The following LINGO2 variants were observed in gnomAD, a reference collection of about 807,000 sequenced individuals.
LINGO2 encodes the protein leucine rich repeat and Ig domain containing 2.
A neutral mutation model predicts 30.6 loss-of-function variants in LINGO2; 14 were observed. The ratio of observed to expected loss-of-function variants is 0.46; its 90% CI spans 0.30 to 0.72. LINGO2 has a LOEUF of 0.72. Among genes scored for constraint, LINGO2 ranks in the 30% least tolerant of loss-of-function variants. The pLI, the probability that LINGO2 is intolerant of heterozygous loss-of-function variation, is 0.07. For missense variants in LINGO2, 729 were observed against 751.7 expected, an observed-to-expected ratio of 0.97 and a Z score of 0.35; for synonymous variants, 317 against 288.5, an observed-to-expected ratio of 1.10 and a Z score of -1.00.
At chr9:28,884,667 C>CATATAT in the LINGO2 span, among the ~76,000 whole-genome samples, 802 of 126,960 alleles carry the variant, frequency 6.3e-3, 10 homozygotes, top group African/African-American at 0.021. Flanking sequence ...ATGTATTTTC[C>CATATAT]ATATATATAT....
At chr9:29,144,117 A>G in the LINGO2 span, among the ~76,000 whole-genome samples, 3 of 152,030 alleles carry the variant, frequency 2.0e-5, no homozygotes, top group Non-Finnish European at 4.4e-5. Flanking sequence ...ACTCTGTTCC[A>G]TCGGTTTATG....
chr9:28,124,872 A>G lies in LINGO2; in HGVS notation c.-86-112467T>C, dbSNP rs181367713. Among the ~76,000 whole-genome samples, 32 of 152,364 alleles carry G rather than the reference A, an allele frequency of 2.1e-4. 1 individual carries two copies. In the East Asian group the frequency reaches 5.8e-3, roughly 28 times the overall value. On this transcript the variant is annotated intron_variant, in intron 4 of 5. Transcript: ENST00000379992. ...ATCAAGTAAATCTCTAGCGAACAAA[A>G]ATAAATACTACCAGTAATAATATAA...
At chr9:28,265,849 C>A (rs1235227276) in intron 4 of LINGO2, among the ~76,000 whole-genome samples, 2 of 151,906 alleles carry the variant, frequency 1.3e-5, no homozygotes, top group Non-Finnish European at 2.9e-5. Context: ...TCTGAAAGCA[C>A]CTGACCTGAC....
At chr9:28,271,439 A>G (rs1822936882) in intron 4 of LINGO2, among the ~76,000 whole-genome samples, 1 of 151,092 alleles carries the variant, frequency 6.6e-6, no homozygotes, top group Non-Finnish European at 1.5e-5. Flanking sequence ...TAAATAATTA[A>G]GAAGTAAAAA....
At chr9:28,169,350 T>C (rs981667397) in intron 4 of LINGO2, among the ~76,000 whole-genome samples, 2 of 152,198 alleles carry the variant, frequency 1.3e-5, no homozygotes, top group Non-Finnish European at 2.9e-5. Flanking sequence ...TTTTATAGGA[T>C]AATATTCATT....
chr9:28,388,210 T>C (rs1319835294), intron 2 of LINGO2, among the ~76,000 whole-genome samples: 4 of 152,240 alleles, frequency 2.6e-5, no homozygotes, highest in African/African-American at 9.6e-5. Context: ...GTCATGTCTC[T>C]ATGATAGAAT....
At chr9:28,669,633 A>G (rs965861682) in intron 1 of LINGO2, among the ~76,000 whole-genome samples, 3 of 152,068 alleles carry the variant, frequency 2.0e-5, no homozygotes, top group Non-Finnish European at 4.4e-5. Context: ...AAAGAAACTA[A>G]CAAGACATTC....
chr9:29,112,794 G>A, the LINGO2 span, among the ~76,000 whole-genome samples: 1 of 152,098 alleles, frequency 6.6e-6, no homozygotes, highest in Non-Finnish European at 1.5e-5. Context: ...AAGGCTGAAA[G>A]GAGTCTTTAA....
chr9:28,460,049 T>C (rs928031585), intron 2 of LINGO2, among the ~76,000 whole-genome samples: 2 of 152,154 alleles, frequency 1.3e-5, no homozygotes, highest in Non-Finnish European at 2.9e-5. Flanking sequence ...TTCTGTATCA[T>C]AGTAATCATG....
At chr9:28,155,774 C>A (rs1007196950) in intron 4 of LINGO2, among the ~76,000 whole-genome samples, 1 of 152,156 alleles carries the variant, frequency 6.6e-6, no homozygotes, top group African/African-American at 2.4e-5. Flanking sequence ...GATTATCTCA[C>A]AAAGTCACAG....
chr9:28,555,518 CAAT>C (rs1822610360), intron 1 of LINGO2, among the ~76,000 whole-genome samples: 1 of 151,852 alleles, frequency 6.6e-6, no homozygotes, highest in South Asian at 2.1e-4. Context: ...GCTTACCAAC[CAAT>C]AAGAGTCCAG....
At chr9:28,553,000 GTTA>G (rs1822391910) in intron 1 of LINGO2, among the ~76,000 whole-genome samples, 1 of 151,812 alleles carries the variant, frequency 6.6e-6, no homozygotes, top group Admixed American at 6.6e-5. Context: ...TTTTCTCCGA[GTTA>G]TTGTTTGTTT....
intron 4 of LINGO2, among the ~76,000 whole-genome samples, chr9:28,021,603 CAAT>C (rs1380919122): frequency 6.6e-6 from 1 of 152,062 alleles, no homozygotes; most frequent in African/African-American, 2.4e-5. Context: ...AAGTTTCCAA[CAAT>C]AATAGTGAAT....
intron 2 of LINGO2, among the ~76,000 whole-genome samples, chr9:28,439,614 T>C (rs1359617600): frequency 6.6e-6 from 1 of 152,036 alleles, no homozygotes; most frequent in Non-Finnish European, 1.5e-5. Context: ...TCCCCTTCAC[T>C]CTCTCATCCT....
chr9:28,387,369 C>A (rs1821628037), intron 2 of LINGO2, among the ~76,000 whole-genome samples: 2 of 152,190 alleles, frequency 1.3e-5, no homozygotes, highest in Admixed American at 1.3e-4. Flanking sequence ...CACCAATCAG[C>A]ACTCTGTAAA....
chr9:28,781,441 G>A, the LINGO2 span, among the ~76,000 whole-genome samples: 1 of 152,152 alleles, frequency 6.6e-6, no homozygotes, highest in Non-Finnish European at 1.5e-5. Context: ...ATAGCACGCT[G>A]AAAATTTTAA....
intron 4 of LINGO2, among the ~76,000 whole-genome samples, chr9:28,255,940 T>C (rs1244310187): frequency 6.6e-6 from 1 of 152,122 alleles, no homozygotes; most frequent in African/African-American, 2.4e-5. Flanking sequence ...ATAGCTTTTA[T>C]TGTGGAAACT....
chr9:29,013,390 GT>G, the LINGO2 span, among the ~76,000 whole-genome samples: 16 of 150,060 alleles, frequency 1.1e-4, no homozygotes, highest in African/African-American at 3.4e-4. Context: ...TTTATTATGA[GT>G]TTTTTTTTTC....
At chr9:28,469,072 A>AATAT (rs1825421032) in intron 2 of LINGO2, among the ~76,000 whole-genome samples, 1 of 152,176 alleles carries the variant, frequency 6.6e-6, no homozygotes, top group East Asian at 1.9e-4. Context: ...GTAGAGAAAC[A>AATAT]ATATATGAAC....
Sources: gnomAD v4.1 joint callset for allele counts (sites outside exome capture counted in the v4.1 genomes callset) on GRCh38, gnomAD v4.1.1 for gene constraint, MANE v1.5 for transcripts, NCBI Gene and HGNC (gene_info 2026-07-23, HGNC 2026-07-21) for gene names.